The following FBXL17 variants were observed in gnomAD, a reference collection of about 807,000 sequenced individuals.
FBXL17 encodes F-box/LRR-repeat protein 17.
In FBXL17, 22 loss-of-function variants were observed where a neutral mutation model predicts 66.2. The observed-to-expected ratio is 0.33, with a 90% CI of 0.24 to 0.47. The LOEUF is 0.47. FBXL17 is among the 20% of genes least tolerant of loss of function. The probability of loss-of-function intolerance (pLI) is 1.00; values close to 1 mark genes in which losing one functional copy is unlikely to be tolerated. For synonymous variants in FBXL17, 474 were observed against 400.5 expected (o/e 1.18, Z -2.19); for missense variants, 878 against 948.2 (o/e 0.93, Z 0.97).
At chr5:108,065,160 G>A (rs1394942118) in intron 6 of FBXL17, among the ~76,000 whole-genome samples, 7 of 152,070 alleles carry the variant, frequency 4.6e-5, no homozygotes, top group Admixed American at 4.6e-4. Flanking sequence ...ATGTATGTGT[G>A]TGTATGTATA....
At chr5:108,100,308 T>C (rs1711692874) in intron 6 of FBXL17, among the ~76,000 whole-genome samples, 1 of 152,146 alleles carries the variant, frequency 6.6e-6, no homozygotes, top group African/African-American at 2.4e-5. Flanking sequence ...CTTTTAATTA[T>C]AAAAAATTTC....
intron 1 of FBXL17, 42 bp from the exon 2 acceptor site, chr5:108,367,995 T>C: frequency 6.6e-7 from 1 of 1,508,332 alleles, no homozygotes; most frequent in African/African-American, 1.4e-5. Flanking sequence ...TGCTAAACAT[T>C]TTCAAGGCAC....
At chr5:108,026,364 T>C (rs1754826990) in intron 6 of FBXL17, among the ~76,000 whole-genome samples, 1 of 152,206 alleles carries the variant, frequency 6.6e-6, no homozygotes, top group African/African-American at 2.4e-5. Flanking sequence ...TGACAGATGG[T>C]ATCAAGGTGA....
chr5:108,084,780 T>C (rs1480016164), intron 6 of FBXL17, among the ~76,000 whole-genome samples: 1 of 152,230 alleles, frequency 6.6e-6, no homozygotes, highest in Non-Finnish European at 1.5e-5. Flanking sequence ...CAAATGCTGA[T>C]GTTTTGTAAA....
At chr5:108,332,139 G>T (rs1760152617) in intron 4 of FBXL17, among the ~76,000 whole-genome samples, 1 of 152,088 alleles carries the variant, frequency 6.6e-6, no homozygotes, top group Non-Finnish European at 1.5e-5. Context: ...ACCTTTGAAG[G>T]GGAGTCAAGA....
At chr5:107,871,178 G>A (rs1451684539) in intron 8 of FBXL17, among the ~76,000 whole-genome samples, 1 of 151,306 alleles carries the variant, frequency 6.6e-6, no homozygotes, top group Non-Finnish European at 1.5e-5. Context: ...TTTGTCAAAC[G>A]CAGTCATTCC....
chr5:108,037,552 CTT>C lies in FBXL17; in HGVS notation c.1746-16553_1746-16552del, dbSNP rs537031549. On this transcript the variant is annotated intron_variant, in intron 6 of 8. Transcript: ENST00000542267. ...TGAGGTACCTGGAACATACCTAACTCTTTTTAGTTTAATTCAGAAGTGGCAGT... is the reference window on the plus strand; with the variant it reads ...TGAGGTACCTGGAACATACCTAACTCTTTAGTTTAATTCAGAAGTGGCAGT... 1.6e-4 allele frequency among the ~76,000 whole-genome samples: 24 copies of C among 152,252 alleles called. No homozygotes were observed. The East Asian group carries it at 4.6e-3, about 29-fold the overall frequency.
intron 6 of FBXL17, among the ~76,000 whole-genome samples, chr5:108,064,995 T>C (rs909086756): frequency 6.6e-6 from 1 of 152,144 alleles, no homozygotes; most frequent in Admixed American, 6.5e-5. Context: ...ATATAAAAGC[T>C]ACAACAGTTA....
chr5:107,991,727 C>T (rs2112694029), intron 7 of FBXL17, among the ~76,000 whole-genome samples: 2 of 152,244 alleles, frequency 1.3e-5, no homozygotes, highest in East Asian at 3.9e-4. Flanking sequence ...GTTTCCCTTG[C>T]TATTTTATCT....
intron 6 of FBXL17, among the ~76,000 whole-genome samples, chr5:108,179,601 T>C (rs929719056): frequency 1.6e-4 from 25 of 152,188 alleles, no homozygotes; most frequent in Non-Finnish European, 2.9e-4. Flanking sequence ...TTTAATAAAC[T>C]AGTCCAACCC....
chr5:107,977,568 G>A (rs993335583), intron 7 of FBXL17, among the ~76,000 whole-genome samples: 2 of 152,186 alleles, frequency 1.3e-5, no homozygotes, highest in African/African-American at 4.8e-5. Flanking sequence ...GTTGCTGTGA[G>A]GGGCATATAT....
At chr5:108,089,468 A>G (rs1749107508) in intron 6 of FBXL17, among the ~76,000 whole-genome samples, 1 of 152,044 alleles carries the variant, frequency 6.6e-6, no homozygotes, top group African/African-American at 2.4e-5. Context: ...CTCCCATACC[A>G]TCCCCAGAAT....
chr5:108,260,874 T>C (rs4957551), intron 4 of FBXL17, among the ~76,000 whole-genome samples: 113,969 of 152,028 alleles, frequency 0.75, 43,089 homozygotes, highest in East Asian at 0.93. Flanking sequence ...CAGTCTCGCA[T>C]TTTACATAAC....
intron 6 of FBXL17, among the ~76,000 whole-genome samples, chr5:108,172,276 CT>C (rs1752634526): frequency 1.3e-5 from 2 of 152,176 alleles, no homozygotes; most frequent in African/African-American, 2.4e-5. Flanking sequence ...AGTTGCAAGG[CT>C]TCTTGAAGCC....
chr5:108,277,601 T>C (rs1757534209), intron 4 of FBXL17, among the ~76,000 whole-genome samples: 1 of 152,158 alleles, frequency 6.6e-6, no homozygotes. Context: ...ACTAATTTAT[T>C]TGGTCATTCT....
intron 3 of FBXL17, among the ~76,000 whole-genome samples, chr5:108,352,550 G>A (rs75815229): frequency 0.043 from 6,511 of 152,098 alleles, 760 homozygotes; most frequent in East Asian, 0.39. Flanking sequence ...TCGCTCTTTC[G>A]CCCAGGCTGG....
At chr5:107,897,250 A>T (rs558208913) in intron 7 of FBXL17, among the ~76,000 whole-genome samples, 3 of 152,236 alleles carry the variant, frequency 2.0e-5, no homozygotes, top group Admixed American at 6.5e-5. Flanking sequence ...GCCACAAAAA[A>T]TTTTATTAGT....
rs1748685242 is a variant in FBXL17 at position 107,878,591 on chromosome 5, A to G, written c.1965+2446T>C. On this transcript the variant is annotated intron_variant, in intron 8 of 8. Coordinates refer to ENST00000542267, the MANE Select transcript of FBXL17 (RefSeq NM_001163315.3). ...CTCCGCAGACCATACCGTTGCTACT[A>G]ATTTCTTTTCTTTGTTACTCATATC... 5 of 982,872 alleles carry G rather than the reference A, an allele frequency of 5.1e-6. 1 individual carries two copies. The highest frequency in any genetic ancestry group is 6.0e-6 in the Non-Finnish European group (5 of 827,760). 60.9% of individuals were successfully genotyped at this position (982,872 alleles called of 1,614,324 possible).
chr5:108,030,539 A>C (rs943437988), intron 6 of FBXL17, among the ~76,000 whole-genome samples: 13 of 152,146 alleles, frequency 8.5e-5, no homozygotes, highest in Admixed American at 5.3e-4. Flanking sequence ...CAAAATGAAC[A>C]GTGCATCTCT....
Sources: allele counts gnomAD v4.1 joint callset (sites outside exome capture counted in the v4.1 genomes callset), GRCh38; gene constraint gnomAD v4.1.1; transcripts MANE v1.5; gene names NCBI Gene and HGNC (gene_info 2026-07-23, HGNC 2026-07-21).